The following ARHGAP21 variants were observed in gnomAD, a reference collection of about 807,000 sequenced individuals.
ARHGAP21 encodes rho GTPase-activating protein 21.
ARHGAP21 carries 38 observed loss-of-function variants against 164.6 expected under a neutral mutation model. The ratio of observed to expected loss-of-function variants is 0.23; its 90% CI spans 0.18 to 0.30. The LOEUF is 0.30. Among genes scored for constraint, ARHGAP21 ranks in the 10% least tolerant of loss-of-function variants. ARHGAP21 has a pLI of 1.00. For synonymous variants in ARHGAP21, 766 were observed against 857.9 expected, an observed-to-expected ratio of 0.89 and a Z score of 1.87; for missense variants, 1,822 against 2,370.7, an observed-to-expected ratio of 0.77 and a Z score of 4.81.
chr10:24,585,951 A>G lies in ARHGAP21; in HGVS notation c.4338T>C (p.Asn1446=), dbSNP rs758268178. 6.2e-7 allele frequency: 1 copy of G among 1,613,872 alleles called. No individual in the cohort carries two copies. The highest frequency in any genetic ancestry group is 1.3e-5 in the African/African-American group (1 of 74,832). Residue 1446 remains asparagine (N), a synonymous_variant, in exon 26 of 26, where the codon AAT becomes AAC. Transcript: ENST00000396432. The part of the protein sequence containing the change: ...ELDNVFFKKE[N]VEQCHNDTKE... ...TAGTATCATTGTGACACTGTTCCAC[A>G]TTTTCTTTCTTAAAAAATACATTGT... is the stretch of plus-strand genomic sequence containing the variant.
At chr10:24,693,722 C>T (rs1449345460) in intron 2 of ARHGAP21, among the ~76,000 whole-genome samples, 2 of 152,284 alleles carry the variant, frequency 1.3e-5, no homozygotes, top group East Asian at 3.9e-4. Context: ...CATTCACTGG[C>T]TCCTGCCACA....
chr10:24,689,054 CT>C (rs1392807763), intron 2 of ARHGAP21, among the ~76,000 whole-genome samples: 1 of 152,092 alleles, frequency 6.6e-6, no homozygotes, highest in Non-Finnish European at 1.5e-5. Context: ...CACTAACAGT[CT>C]GATAGAGACT....
intron 2 of ARHGAP21, among the ~76,000 whole-genome samples, chr10:24,687,127 G>GATC (rs3073326): frequency 0.83 from 125,139 of 151,590 alleles, 51,968 homozygotes; most frequent in African/African-American, 0.93. Context: ...GAGGTGGGAG[G>GATC]GTGAGCCCAT....
chr10:24,604,441 A>G (rs1486292085), intron 11 of ARHGAP21, 93 bp from the exon 12 acceptor site: 4 of 802,310 alleles, frequency 5.0e-6, no homozygotes, highest in Admixed American at 5.2e-5. Flanking sequence ...TACTCTTTCA[A>G]TAATAATCTG....
Position 24,600,867 on chromosome 10 carries a change from A to C in ARHGAP21, c.2911T>G (p.Tyr971Asp), listed in dbSNP as rs1256342074. 1 of 1,614,096 alleles carries C rather than the reference A, an allele frequency of 6.2e-7. No homozygotes were observed. The highest frequency in any genetic ancestry group is 1.3e-5 in the African/African-American group (1 of 74,946). Residue 971 changes from tyrosine (Y) to aspartate (D), a missense_variant, in exon 14 of 26, where the codon TAC (tyrosine) becomes GAC (aspartate). Transcript: ENST00000396432. ...MYVVLRGHSL[Y>D]LYKDKREQTT... is the part of the protein sequence containing the mutation. ...TGCTCTCTTTTATCTTTGTACAGGT[A>C]AAGTGAATGACCCCGAAGGACAACA...
rs749272530 is a variant in ARHGAP21, at chr10:24,620,990, C to A, written c.905G>T (p.Arg302Met). The A allele has an allele frequency of 3.3e-5, 54 of 1,613,868 alleles. No individual in the cohort carries two copies. Among genetic ancestry groups the A allele is most frequent in the Non-Finnish European group, 4.4e-5 (52 of 1,179,878 alleles). ...TGPSHRTEEV[R>M]YGVSEQTSLK... ...AGAGGTCTGCTCACTCACGCCATAC[C>A]TCACTTCTTCAGTTCTATGTGAAGG... Residue 302 changes from arginine (R) to methionine (M), a missense_variant, in exon 9 of 26, where the codon AGG (arginine) becomes ATG (methionine). Coordinates refer to ENST00000396432, the MANE Select transcript of ARHGAP21 (RefSeq NM_020824.4).
chr10:24,704,095 T>C (rs1843970331), intron 2 of ARHGAP21, among the ~76,000 whole-genome samples: 1 of 152,084 alleles, frequency 6.6e-6, no homozygotes, highest in African/African-American at 2.4e-5. Flanking sequence ...AATCTCTAGT[T>C]ATCCATGGTC....
Position 24,585,001 on chromosome 10 carries a change from G to A in ARHGAP21, c.5288C>T (p.Thr1763Met), listed in dbSNP as rs1266129181. ...ESEKQEPTWK[T>M]KIADRLKLRP... ...CAGTTTTAACCGATCTGCTATTTTC[G>A]TTTTCCATGTGGGTTCCTGTTTTTC... Residue 1763 changes from threonine (T) to methionine (M), a missense_variant, in exon 26 of 26, where the codon ACG becomes ATG. By Grantham distance (81) the Thr-to-Met change is moderately conservative. Around this residue, in one of 5 missense-constraint regions of ARHGAP21, gnomAD observed 117 missense variants for 193.2 expected, o/e 0.61. Coordinates refer to ENST00000396432, the MANE Select transcript of ARHGAP21 (RefSeq NM_020824.4). 5.0e-6 allele frequency: 8 copies of A among 1,613,900 alleles called. No individual in the cohort carries two copies. Among genetic ancestry groups the A allele is most frequent in the East Asian group, 2.2e-5 (1 of 44,868 alleles).
intron 9 of ARHGAP21, among the ~76,000 whole-genome samples, chr10:24,613,905 T>C (rs943651082): frequency 1.3e-4 from 20 of 151,302 alleles, no homozygotes; most frequent in Admixed American, 4.6e-4. Context: ...GGCTGAATCT[T>C]TGCAGTCCCA....
rs552773138 is a variant in ARHGAP21, at chr10:24,637,262, T to C, written c.269-2159A>G. Among the ~76,000 whole-genome samples the C allele has an allele frequency of 9.8e-5, 15 of 152,364 alleles. No individual in the cohort carries two copies. In the South Asian group the frequency reaches 3.1e-3, roughly 32 times the overall value. On this transcript the variant is annotated intron_variant, in intron 4 of 25. Coordinates refer to ENST00000396432, the MANE Select transcript of ARHGAP21 (RefSeq NM_020824.4). ...GCAATTAATTTAAAAGGAAAAATAC[T>C]TTCTTATCAATTCAAGTTGCTTAAA... is the stretch of plus-strand genomic sequence containing the variant.
At chr10:24,672,555 G>T (rs953122985) in intron 2 of ARHGAP21, among the ~76,000 whole-genome samples, 4 of 152,108 alleles carry the variant, frequency 2.6e-5, no homozygotes, top group African/African-American at 7.2e-5. Flanking sequence ...TCTCCAACCT[G>T]ATATGTATCT....
chr10:24,669,843 T>C (rs1840529962), intron 3 of ARHGAP21, among the ~76,000 whole-genome samples: 1 of 152,232 alleles, frequency 6.6e-6, no homozygotes, highest in Admixed American at 6.5e-5. Flanking sequence ...TCTACTAATT[T>C]TCTATAACTG....
At chr10:24,695,050 C>CAAAAAAAAAAAAAAAAAAAAAAAAA (rs570457905) in intron 2 of ARHGAP21, among the ~76,000 whole-genome samples, 6 of 78,504 alleles carry the variant, frequency 7.6e-5, no homozygotes, top group Middle Eastern at 6.8e-3. Flanking sequence ...AATTCCATCT[C>CAAAAAAAAAAAAAAAAAAAAAAAAA]AAAAAAAAAA....
chr10:24,684,535 T>TGAAACAAAAACTCCTGTCA (rs1842047570), intron 2 of ARHGAP21, among the ~76,000 whole-genome samples: 1 of 152,190 alleles, frequency 6.6e-6, no homozygotes, highest in African/African-American at 2.4e-5. Context: ...TAGATCTTGC[T>TGAAACAAAAACTCCTGTCA]GAAACAAAAA....
intron 2 of ARHGAP21, among the ~76,000 whole-genome samples, chr10:24,690,337 C>G (rs1009859848): frequency 6.6e-6 from 1 of 152,146 alleles, no homozygotes; most frequent in African/African-American, 2.4e-5. Context: ...TCCAGAAAAG[C>G]AGGGAACCAA....
intron 19 of ARHGAP21, among the ~76,000 whole-genome samples, 191 bp from the exon 20 acceptor site, chr10:24,595,381 C>G (rs1353314171): frequency 6.6e-6 from 1 of 152,102 alleles, no homozygotes; most frequent in Non-Finnish European, 1.5e-5. Flanking sequence ...ATTCCTCCCC[C>G]ACCCTCCAAC....
At chr10:24,679,706 T>C (rs1214955455) in intron 2 of ARHGAP21, among the ~76,000 whole-genome samples, 1 of 152,248 alleles carries the variant, frequency 6.6e-6, no homozygotes, top group Admixed American at 6.5e-5. Context: ...ACTTCCCTTA[T>C]GGCAAATGAT....
chr10:24,653,259 A>ATTTTGT (rs1554988425), intron 4 of ARHGAP21, among the ~76,000 whole-genome samples: 1 of 151,816 alleles, frequency 6.6e-6, no homozygotes, highest in Non-Finnish European at 1.5e-5. Flanking sequence ...TTAGAAGAGG[A>ATTTTGT]TTTTGTTTTG....
intron 2 of ARHGAP21, among the ~76,000 whole-genome samples, chr10:24,702,980 T>C (rs1565189899): frequency 1.3e-5 from 2 of 152,104 alleles, no homozygotes; most frequent in South Asian, 2.1e-4. Context: ...TCAATATATA[T>C]ACACACACAC....
Sources: gnomAD v4.1 joint callset for allele counts (sites outside exome capture counted in the v4.1 genomes callset) on GRCh38, gnomAD v4.1.1 for gene constraint, gnomAD v4.1.1 regional missense constraint, MANE v1.5 for transcripts, NCBI Gene and HGNC (gene_info 2026-07-23, HGNC 2026-07-21) for gene names.